Variants in TECTA observed in about 807,000 individuals in gnomAD.
TECTA encodes the protein alpha-tectorin.
TECTA carries 128 observed loss-of-function variants against 216.8 expected under a neutral mutation model. The ratio of observed to expected loss-of-function variants is 0.59; its 90% CI spans 0.51 to 0.68. The LOEUF is 0.68. Among genes scored for constraint, TECTA ranks in the 30% least tolerant of loss-of-function variants. The pLI, the probability that TECTA is intolerant of heterozygous loss-of-function variation, is 0.00. For synonymous variants in TECTA, 1,089 were observed against 1,117.1 expected, an observed-to-expected ratio of 0.97 and a Z score of 0.50; for missense variants, 2,551 against 2,786.2, an observed-to-expected ratio of 0.92 and a Z score of 1.90.
chr11:121,122,991 A>G (rs1283093678), intron 7 of TECTA, among the ~76,000 whole-genome samples: 1 of 152,278 alleles, frequency 6.6e-6, no homozygotes, highest in Non-Finnish European at 1.5e-5. Flanking sequence ...ACTAATCTAT[A>G]GAGACAGAGA....
chr11:121,110,213 G>A (rs947881253), intron 4 of TECTA: 4 of 152,742 alleles, frequency 2.6e-5, no homozygotes, highest in African/African-American at 7.2e-5. Context: ...TTTCACAAAA[G>A]CCTGCAGCTT....
Position 121,127,278 on chromosome 11 carries a change from C to T in TECTA, c.1775-474C>T, listed in dbSNP as rs1181733558. Among the ~76,000 whole-genome samples the T allele has an allele frequency of 3.3e-5, 5 of 152,132 alleles. No homozygotes were observed. The highest frequency in any genetic ancestry group is 5.9e-5 in the Non-Finnish European group (4 of 68,020). Reference sequence around the variant, plus strand: ...GGTCACACTTAGGTATTTTAAGTGCCTCCCTGTTACAAATTTCACGTTTTC... The same window carrying T: ...GGTCACACTTAGGTATTTTAAGTGCTTCCCTGTTACAAATTTCACGTTTTC... On this transcript the variant is annotated intron_variant, in intron 8 of 23. Coordinates refer to ENST00000392793, the MANE Select transcript of TECTA (RefSeq NM_005422.4). This position sits in a 1 kb window ranked among gnomAD's most constrained non-coding sequence, Gnocchi z 5.0.
chr11:121,115,385 C>T (rs1946491942), intron 6 of TECTA, among the ~76,000 whole-genome samples: 2 of 152,196 alleles, frequency 1.3e-5, no homozygotes, highest in South Asian at 4.1e-4. Context: ...GCTCTAGCTA[C>T]CATGACATTA....
rs1424229038 is a variant in TECTA, at chr11:121,145,794, G to A, written c.3783G>A (p.Ser1261=). 40 of 1,614,188 alleles carry A rather than the reference G, an allele frequency of 2.5e-5. No individual in the cohort carries two copies. Among genetic ancestry groups the A allele is most frequent in the South Asian group, 7.7e-5 (7 of 91,084 alleles). Reference sequence around the variant, plus strand: ...AGATGCCCATGGGTCTGCTTGCATCGAGTGTCAATGAGTTTGGGCAGAGCT... The same window carrying A: ...AGATGCCCATGGGTCTGCTTGCATCAAGTGTCAATGAGTTTGGGCAGAGCT... The part of the protein sequence containing the change: ...DLEMPMGLLA[S]SVNEFGQSWV... The change falls in exon 12 of 24, where the codon TCG becomes TCA. Residue 1261 remains serine (S), a synonymous_variant. Coordinates refer to ENST00000392793, the MANE Select transcript of TECTA (RefSeq NM_005422.4).
At chr11:121,122,400 T>C (rs1194172526) in intron 7 of TECTA, among the ~76,000 whole-genome samples, 1 of 152,130 alleles carries the variant, frequency 6.6e-6, no homozygotes, top group South Asian at 2.1e-4. Context: ...GACCTTATAC[T>C]TCCCAGCCTC....
At chr11:121,175,320 G>A (rs1286478662) in intron 20 of TECTA, among the ~76,000 whole-genome samples, 1 of 151,790 alleles carries the variant, frequency 6.6e-6, no homozygotes, top group African/African-American at 2.4e-5. Context: ...GCTTTCTCTT[G>A]TGGGCATTTA....
At chr11:121,141,376 T>C (rs561465050) in intron 11 of TECTA, among the ~76,000 whole-genome samples, 10 of 152,258 alleles carry the variant, frequency 6.6e-5, no homozygotes, top group Non-Finnish European at 1.5e-4. Flanking sequence ...TGAAAGTGCT[T>C]CCTTGGGACA....
rs1555127484 is a variant in TECTA at position 121,158,002 on chromosome 11, G to A, written c.4467G>A (p.Ala1489=). The A allele has an allele frequency of 1.9e-6, 3 of 1,612,910 alleles. No homozygotes were observed. In the South Asian group the frequency reaches 3.3e-5, roughly 18 times the overall value. ...CFSTKTSYCL[A]AGGGVFRTFD... is the part of the protein sequence containing the mutation. The stretch of plus-strand genomic sequence containing the variant: ...GCACCAAGACCTCCTACTGCCTGGC[G>A]GCCGGCGGCGGCGTCTTCCGCACCT... Residue 1489 remains alanine (A), a synonymous_variant, in exon 14 of 24, where the codon GCG becomes GCA. Transcript: ENST00000392793.
chr11:121,112,875 G>A (rs1261560521), intron 4 of TECTA, among the ~76,000 whole-genome samples, 197 bp from the exon 5 acceptor site: 1 of 152,224 alleles, frequency 6.6e-6, no homozygotes, highest in African/African-American at 2.4e-5. Flanking sequence ...TCTTTTAGAA[G>A]CACAGTCCCA....
intron 11 of TECTA, among the ~76,000 whole-genome samples, chr11:121,142,988 T>G (rs1946799128): frequency 6.6e-6 from 1 of 152,140 alleles, no homozygotes; most frequent in South Asian, 2.1e-4. Flanking sequence ...CCAATCTCTC[T>G]CCTCCCCTTT....
chr11:121,157,646 T>C (rs1591458502), intron 13 of TECTA, among the ~76,000 whole-genome samples, 195 bp from the exon 14 acceptor site: 1 of 152,204 alleles, frequency 6.6e-6, no homozygotes, highest in Admixed American at 6.5e-5. Flanking sequence ...AAACTGCGTA[T>C]TGTTTGGCGT....
At chr11:121,182,343 G>A (rs1947238608) in intron 20 of TECTA, among the ~76,000 whole-genome samples, 1 of 151,634 alleles carries the variant, frequency 6.6e-6, no homozygotes, top group Non-Finnish European at 1.5e-5. Context: ...GGTGGTGGTG[G>A]GCCAGTCCTC....
At chr11:121,114,011 G>A (rs1946472109) in intron 6 of TECTA, among the ~76,000 whole-genome samples, 1 of 152,116 alleles carries the variant, frequency 6.6e-6, no homozygotes, top group African/African-American at 2.4e-5. Flanking sequence ...TGAGCCAGAG[G>A]GACAGAAGGC....
rs1946607854 is a variant in TECTA at position 121,125,957 on chromosome 11, T to C, written c.1774+85T>C. On this transcript the variant is annotated intron_variant, in intron 8 of 23. Transcript: ENST00000392793. ...TTGGGGGCTCCTCCAAATGTCCTTG[T>C]TAAGACTTGTGACCCAAGAATGAGG... The C allele has an allele frequency of 5.4e-5, 80 of 1,472,708 alleles. No homozygotes were observed. In the South Asian group the frequency reaches 8.6e-4, roughly 16 times the overall value. The allele number at this position is 1,472,708 out of a possible 1,614,324, so 91.2% of individuals were successfully genotyped here. A position where few individuals can be genotyped will look rare whatever the true frequency, so the allele number is the denominator to read the frequency against.
chr11:121,169,025 G>T, intron 20 of TECTA, 100 bp downstream of exon 20: 1 of 1,580,240 alleles, frequency 6.3e-7, no homozygotes. Context: ...TTTGTTGGCT[G>T]CCTACAAGGC....
At chr11:121,146,895 T>C (rs7120647) in intron 12 of TECTA, among the ~76,000 whole-genome samples, 41,564 of 152,140 alleles carry the variant, frequency 0.27, 7,215 homozygotes, top group African/African-American at 0.49. Context: ...ATGACCCAAT[T>C]AGTCAAGGAG....
At chr11:121,162,480 G>T in intron 16 of TECTA, 110 bp downstream of exon 16, 1 of 1,362,766 alleles carries the variant, frequency 7.3e-7, no homozygotes, top group Non-Finnish European at 1.0e-6. Context: ...TTTACTCATA[G>T]ATCTGCTTCC....
intron 20 of TECTA, among the ~76,000 whole-genome samples, chr11:121,183,837 G>A (rs561266310): frequency 6.6e-6 from 1 of 152,224 alleles, no homozygotes; most frequent in Non-Finnish European, 1.5e-5. Context: ...GCCCAGGCTA[G>A]AGTGTGGTTG....
Position 121,158,055 on chromosome 11 carries a change from C to A in TECTA, c.4520C>A (p.Ala1507Asp). The change falls in exon 14 of 24, where the codon GCC (alanine) becomes GAC (aspartate). Residue 1507 changes from alanine (A) to aspartate (D), a missense_variant. Physicochemically the swap from Ala to Asp is moderately radical, Grantham distance 126. Transcript: ENST00000392793. ...GACGGCGCCTTCCTGCGCTTCCCAGCCAACTGCGCCTTCGTGCTGTCCACC... is the reference window on the plus strand; with the variant it reads ...GACGGCGCCTTCCTGCGCTTCCCAGACAACTGCGCCTTCGTGCTGTCCACC... ...TFDGAFLRFPANCAFVLSTIC... is the reference protein window; with the variant it reads ...TFDGAFLRFPDNCAFVLSTIC... 6.2e-7 allele frequency: 1 copy of A among 1,613,594 alleles called. No homozygotes were observed.
Sources: allele counts gnomAD v4.1 joint callset (sites outside exome capture counted in the v4.1 genomes callset), GRCh38; gene constraint gnomAD v4.1.1; non-coding constraint Gnocchi (gnomAD v3.1); transcripts MANE v1.5; gene names NCBI Gene and HGNC (gene_info 2026-07-23, HGNC 2026-07-21).